GAA: variants seen among roughly 807,000 people sequenced by gnomAD.
GAA encodes the protein alpha glucosidase.
Under a neutral mutation model 103.9 loss-of-function variants are expected in GAA, and 88 were observed. That is an observed-to-expected ratio of 0.85 (90% confidence interval 0.71 to 1.01). The LOEUF (loss-of-function observed/expected upper bound fraction) is 1.01. Ranked by LOEUF, GAA falls within the 50% of genes least tolerant of loss-of-function variation. The pLI, the probability that GAA is intolerant of heterozygous loss-of-function variation, is 0.00. For missense variants in GAA, 1,350 were observed against 1,305.3 expected (o/e 1.03, Z -0.53); for synonymous variants, 572 against 563.1 (o/e 1.02, Z -0.22).
At chr17:80,103,388 G>A (rs1185116902) in intron 1 of GAA, among the ~76,000 whole-genome samples, 1 of 152,028 alleles carries the variant, frequency 6.6e-6, no homozygotes, top group Non-Finnish European at 1.5e-5. Context: ...CTTTCCCTGG[G>A]GTCAGACTTG....
intron 1 of GAA, 75 bp downstream of exon 1, chr17:80,101,965 C>A: frequency 6.6e-6 from 1 of 152,510 alleles, no homozygotes; most frequent in Non-Finnish European, 1.5e-5. Context: ...CCTAGCCGTG[C>A]CCCCAGCCTC....
intron 3 of GAA, among the ~76,000 whole-genome samples, 187 bp from the exon 4 acceptor site, chr17:80,107,370 G>A (rs1053872423): frequency 1.3e-5 from 2 of 152,182 alleles, no homozygotes; most frequent in African/African-American, 2.4e-5. Flanking sequence ...AGTTGATCAC[G>A]CTGGTGCCAG....
intron 14 of GAA, 90 bp from the exon 15 acceptor site, chr17:80,113,128 G>A: frequency 1.3e-6 from 2 of 1,540,282 alleles, no homozygotes; most frequent in Non-Finnish European, 1.7e-6. Flanking sequence ...ATGCTGGGTG[G>A]CTGAGAAGTG....
In GAA at chr17:80,117,724, G is replaced by A. The variant is rs374687883; in HGVS notation, c.2456G>A (p.Arg819Gln). 23 of 1,611,050 alleles carry A rather than the reference G, an allele frequency of 1.4e-5. No homozygotes were observed. The highest frequency in any genetic ancestry group is 9.3e-5 in the African/African-American group (7 of 74,890). The change falls in exon 17 of 20, where the codon CGG becomes CAG. Residue 819 changes from arginine to glutamine, a missense_variant. By Grantham distance (43) the Arg-to-Gln change is conservative (BLOSUM62 1). Coordinates refer to ENST00000302262, the MANE Select transcript of GAA (RefSeq NM_000152.5). ...CTGGACACCATCAACGTCCACCTCC[G>A]GGCTGGGTACATCATCCCCCTGCAG... ...APLDTINVHL[R>Q]AGYIIPLQGP...
At chr17:80,114,254 A>C (rs1010227982) in intron 15 of GAA, among the ~76,000 whole-genome samples, 1 of 152,230 alleles carries the variant, frequency 6.6e-6, no homozygotes, top group African/African-American at 2.4e-5. Context: ...TAATAGGTAG[A>C]GAACTCATAC....
rs2143938123 is a variant in GAA, at chr17:80,119,262, T to C, written c.2800-10T>C. ...CTCGGGCTGCTCCATTTGTGCTCTC[T>C]CTTTTCCAGGTCCTGGACATCTGTG... On this transcript the variant is annotated splice_polypyrimidine_tract_variant and intron_variant, in intron 19 of 19. Transcript: ENST00000302262. 1 of 1,613,810 alleles carries C rather than the reference T, an allele frequency of 6.2e-7. No individual in the cohort carries two copies.
rs1036923881 is a variant in GAA, at chr17:80,116,821, C to T, written c.2190-147C>T. On this transcript the variant is annotated intron_variant, in intron 15 of 19. Coordinates refer to ENST00000302262, the MANE Select transcript of GAA (RefSeq NM_000152.5). Reference sequence around the variant, plus strand: ...TCTATCTGCTGGAATCATCCCTGCCCGTCTGACCTGAGTCCTCCAAGTCCT... The same window carrying T: ...TCTATCTGCTGGAATCATCCCTGCCTGTCTGACCTGAGTCCTCCAAGTCCT... The T allele has an allele frequency of 2.0e-5, 16 of 816,268 alleles. No homozygotes were observed. The Middle Eastern group carries it at 8.8e-4, about 45-fold the overall frequency. The allele number at this position is 816,268 out of a possible 1,614,324, so 50.6% of individuals were successfully genotyped here. A position where few individuals can be genotyped will look rare whatever the true frequency, so the allele number is the denominator to read the frequency against.
chr17:80,111,943 G>T (rs764042017), intron 11 of GAA, 40 bp from the exon 12 acceptor site: 2 of 1,566,188 alleles, frequency 1.3e-6, no homozygotes, highest in Non-Finnish European at 1.8e-6. Flanking sequence ...GGAGCCTGCC[G>T]GGAGGAAGCT....
At chr17:80,115,413 G>T (rs1262549870) in intron 15 of GAA, among the ~76,000 whole-genome samples, 1 of 152,070 alleles carries the variant, frequency 6.6e-6, no homozygotes, top group African/African-American at 2.4e-5. Context: ...CAGAATTTCT[G>T]TTTCATTCCT....
intron 3 of GAA, among the ~76,000 whole-genome samples, chr17:80,106,578 C>G (rs1038633638): frequency 6.6e-6 from 1 of 152,176 alleles, no homozygotes; most frequent in African/African-American, 2.4e-5. Flanking sequence ...GGGGTGGCCT[C>G]TCTGAGCTGA....
intron 11 of GAA, 104 bp from the exon 12 acceptor site, chr17:80,111,879 A>T: frequency 1.1e-6 from 1 of 904,750 alleles, no homozygotes; most frequent in African/African-American, 1.6e-5. Context: ...CAGCCTGAAG[A>T]GGCAGCGACC....
Position 80,112,898 on chromosome 17 carries a change from G to T in GAA, c.1911G>T (p.Leu637=). The T allele has an allele frequency of 6.2e-7, 1 of 1,610,194 alleles. No homozygotes were observed. The highest frequency in any genetic ancestry group is 8.5e-7 in the Non-Finnish European group (1 of 1,178,638). ...CAGAAATCCTGCAGTTTAACCTGCT[G>T]GGGGTGCCTCTGGTCGGGGCCGACG... The part of the protein sequence containing the change: ...SVPEILQFNL[L]GVPLVGADVC... Residue 637 remains leucine (L), a synonymous_variant, in exon 14 of 20, where the codon CTG becomes CTT. Coordinates refer to ENST00000302262, the MANE Select transcript of GAA (RefSeq NM_000152.5).
Position 80,105,051 on chromosome 17 carries a change from C to CA in GAA, c.466dup (p.Thr156AsnfsTer21). Reference sequence around the variant, plus strand: ...GCTACACGGCCACCCTGACCCGTACCACCCCCACCTTCTTCCCCAAGGACA... The same window carrying CA: ...GCTACACGGCCACCCTGACCCGTACCAACCCCCACCTTCTTCCCCAAGGACA... On this transcript the variant is annotated frameshift_variant, in exon 2 of 20. Coordinates refer to ENST00000302262, the MANE Select transcript of GAA (RefSeq NM_000152.5). LOFTEE classifies it high-confidence loss of function. The CA allele has an allele frequency of 6.2e-7, 1 of 1,612,936 alleles. No individual in the cohort carries two copies. The highest frequency in any genetic ancestry group is 8.5e-7 in the Non-Finnish European group (1 of 1,180,032).
In GAA at chr17:80,105,013, T is replaced by A; in HGVS notation, c.427T>A (p.Ser143Thr). ...YPSYKLENLSSSEMGYTATLT... is the reference protein window; with the variant it reads ...YPSYKLENLSTSEMGYTATLT... ...CAGCTACAAGCTGGAGAACCTGAGC[T>A]CCTCTGAAATGGGCTACACGGCCAC... The change falls in exon 2 of 20, where the codon TCC becomes ACC. Residue 143 changes from serine to threonine, a missense_variant. Ser to Thr is a moderately conservative substitution (Grantham distance 58). Coordinates refer to ENST00000302262, the MANE Select transcript of GAA (RefSeq NM_000152.5). 6.2e-7 allele frequency: 1 copy of A among 1,612,866 alleles called. No individual in the cohort carries two copies. Among genetic ancestry groups the A allele is most frequent in the Non-Finnish European group, 8.5e-7 (1 of 1,179,994 alleles).
intron 8 of GAA, among the ~76,000 whole-genome samples, chr17:80,109,368 T>G (rs1012509309): frequency 4.6e-5 from 7 of 152,224 alleles, no homozygotes; most frequent in Non-Finnish European, 8.8e-5. Flanking sequence ...GGCCCTTCCC[T>G]GAGCCAGTCC....
chr17:80,112,303 G>A, intron 12 of GAA: 2 of 652,158 alleles, frequency 3.1e-6, no homozygotes, highest in East Asian at 2.7e-5. Flanking sequence ...CCTGGGGCTT[G>A]GAGAGGAAGG....
intron 8 of GAA, among the ~76,000 whole-genome samples, 159 bp from the exon 9 acceptor site, chr17:80,109,786 C>T (rs1007835397): frequency 9.9e-5 from 15 of 151,906 alleles, no homozygotes; most frequent in Non-Finnish European, 1.6e-4. Context: ...GGCTCCTCTC[C>T]AGGCAGGCGT....
rs369775994 is a variant in GAA at position 80,104,695 on chromosome 17, C to G, written c.109C>G (p.Leu37Val). Residue 37 changes from leucine to valine, a missense_variant, in exon 2 of 20, where the codon CTG (leucine) becomes GTG (valine). Coordinates refer to ENST00000302262, the MANE Select transcript of GAA (RefSeq NM_000152.5). The surrounding 1 kb of genome is among the most constrained non-coding windows in gnomAD (Gnocchi z 4.0). Reference sequence around the variant, plus strand: ...GCACATCCTACTCCATGATTTCCTGCTGGTTCCCCGAGAGCTGAGTGGCTC... The same window carrying G: ...GCACATCCTACTCCATGATTTCCTGGTGGTTCCCCGAGAGCTGAGTGGCTC... ...LGHILLHDFLLVPRELSGSSP... is the reference protein window; with the variant it reads ...LGHILLHDFLVVPRELSGSSP... 25 of 1,613,126 alleles carry G rather than the reference C, an allele frequency of 1.5e-5. No homozygotes were observed. The highest frequency in any genetic ancestry group is 2.0e-5 in the Non-Finnish European group (24 of 1,179,950).
At chr17:80,108,860 AG>A (rs2039163104) in intron 8 of GAA, 32 bp downstream of exon 8, 4 of 1,563,734 alleles carry the variant, frequency 2.6e-6, no homozygotes, top group Non-Finnish European at 3.5e-6. Flanking sequence ...GTCTTTGGGA[AG>A]GGGGCCGCCC....
Sources: gnomAD v4.1 joint callset for allele counts (sites outside exome capture counted in the v4.1 genomes callset) on GRCh38, gnomAD v4.1.1 for gene constraint, Gnocchi (gnomAD v3.1) non-coding constraint, MANE v1.5 for transcripts, NCBI Gene and HGNC (gene_info 2026-07-23, HGNC 2026-07-21) for gene names.